The following RASSF8 variants were observed in gnomAD, a reference collection of about 807,000 sequenced individuals.
RASSF8 encodes the protein ras association domain-containing protein 8.
In RASSF8, 22 loss-of-function variants were observed where a neutral mutation model predicts 48.5. The ratio of observed to expected loss-of-function variants is 0.45; its 90% CI spans 0.32 to 0.65. RASSF8 has a LOEUF of 0.65. RASSF8 is among the 30% of genes least tolerant of loss of function. RASSF8 has a pLI of 0.03. For missense variants in RASSF8, 418 were observed against 489.2 expected, an observed-to-expected ratio of 0.85 and a Z score of 1.37; for synonymous variants, 127 against 171.5, an observed-to-expected ratio of 0.74 and a Z score of 2.03.
downstream of RASSF8, among the ~76,000 whole-genome samples, chr12:26,073,975 G>A (rs1944047530): frequency 6.7e-6 from 1 of 149,746 alleles, no homozygotes; most frequent in Non-Finnish European, 1.5e-5. Context: ...GAGAGAGAGA[G>A]TCTCACTCTA....
chr12:26,036,118 G>T (rs1204698110), intron 2 of RASSF8, among the ~76,000 whole-genome samples: 1 of 151,646 alleles, frequency 6.6e-6, no homozygotes, highest in Non-Finnish European at 1.5e-5. Context: ...TACTCCCAGT[G>T]ATCACTCATT....
chr12:26,001,306 A>G (rs183050383), intron 2 of RASSF8, among the ~76,000 whole-genome samples: 40 of 151,026 alleles, frequency 2.6e-4, no homozygotes, highest in Non-Finnish European at 1.5e-4. Context: ...AATAGGTGGG[A>G]TTACAGGCCT....
In RASSF8 at chr12:26,069,981, ATTTTAT is replaced by A. The variant is rs1265914580; in HGVS notation, c.*1166_*1171del. 2.1e-6 allele frequency: 2 copies of A among 973,942 alleles called. No homozygotes were observed. Among genetic ancestry groups the A allele is most frequent in the African/African-American group, 3.5e-5 (2 of 56,942 alleles). 60.3% of individuals were successfully genotyped at this position (973,942 alleles called of 1,614,324 possible). A position where few individuals can be genotyped will look rare whatever the true frequency, so the allele number is the denominator to read the frequency against. On this transcript the variant is annotated 3_prime_UTR_variant, in exon 6 of 6. Transcript: ENST00000689635. ...ATTAATCTCCATTTGTACATATGTT[ATTTTAT>A]TTGTAAAACCAAATATGACTCAACA...
At chr12:26,053,404 C>A (rs973461846) in intron 2 of RASSF8, among the ~76,000 whole-genome samples, 1 of 151,866 alleles carries the variant, frequency 6.6e-6, no homozygotes, top group Admixed American at 6.6e-5. Context: ...TAATTTTATC[C>A]CAAGAAAGAA....
chr12:25,965,370 T>C (rs1422813347), intron 1 of RASSF8, among the ~76,000 whole-genome samples: 2 of 149,210 alleles, frequency 1.3e-5, no homozygotes, highest in African/African-American at 4.9e-5. Context: ...TTTCTTTTTT[T>C]TTTTTTTTTT....
chr12:25,960,418 G>A (rs1941203256), intron 1 of RASSF8, among the ~76,000 whole-genome samples: 1 of 152,150 alleles, frequency 6.6e-6, no homozygotes, highest in Non-Finnish European at 1.5e-5. Flanking sequence ...AAATCAGGAC[G>A]CAGGAGACAG....
At chr12:26,015,396 G>A (rs1942624395) in intron 2 of RASSF8, among the ~76,000 whole-genome samples, 3 of 152,104 alleles carry the variant, frequency 2.0e-5, no homozygotes, top group African/African-American at 4.8e-5. Flanking sequence ...CTGCTGCTTA[G>A]CGTTTACGTT....
At chr12:25,968,784 G>A (rs1941417056) in intron 1 of RASSF8, among the ~76,000 whole-genome samples, 1 of 152,128 alleles carries the variant, frequency 6.6e-6, no homozygotes. Flanking sequence ...GATAATAAAT[G>A]AACAAATATT....
chr12:25,968,610 C>A (rs990736819), intron 1 of RASSF8, among the ~76,000 whole-genome samples: 1 of 152,190 alleles, frequency 6.6e-6, no homozygotes, highest in African/African-American at 2.4e-5. Context: ...TCCCAAAGTG[C>A]TGGGATTACA....
chr12:26,049,220 A>C (rs1348581794), intron 2 of RASSF8, among the ~76,000 whole-genome samples: 6 of 152,342 alleles, frequency 3.9e-5, no homozygotes, highest in African/African-American at 1.4e-4. Context: ...ACAAAACATA[A>C]CTTGGAAGGG....
chr12:25,996,030 T>G lies in RASSF8; in HGVS notation c.-109+900T>G, dbSNP rs190396393. ...GCCTTCTAATAATTGCTAGATTATA[T>G]GGAGAGACTGGACTCCTAAAACCAC... On this transcript the variant is annotated intron_variant, in intron 2 of 5. Transcript: ENST00000689635. Among the ~76,000 whole-genome samples, 11 of 152,336 alleles carry G rather than the reference T, an allele frequency of 7.2e-5. No individual in the cohort carries two copies. The East Asian group carries it at 9.6e-4, about 13-fold the overall frequency.
intron 2 of RASSF8, among the ~76,000 whole-genome samples, chr12:26,002,831 C>A (rs540023710): frequency 5.3e-5 from 8 of 152,114 alleles, no homozygotes; most frequent in African/African-American, 1.9e-4. Flanking sequence ...AGTAGGCATC[C>A]TTGTCTTGTT....
At position 26,027,958 on chromosome 12, in the gene RASSF8, C is replaced by T. The variant is rs574259121; in HGVS notation, c.-108-27278C>T. 3.3e-5 allele frequency among the ~76,000 whole-genome samples: 5 copies of T among 152,176 alleles called. No homozygotes were observed. The East Asian group carries it at 5.8e-4, about 18-fold the overall frequency. ...AGGACAAAGGAGTGGCTGTGAGGAA[C>T]GTCAGCTGTGCAGATGCTCTGGGGA... On this transcript the variant is annotated intron_variant, in intron 2 of 5. Coordinates refer to ENST00000689635, the MANE Select transcript of RASSF8 (RefSeq NM_001394098.1).
At chr12:26,000,021 CCAAG>C (rs543941187) in intron 2 of RASSF8, among the ~76,000 whole-genome samples, 1 of 152,022 alleles carries the variant, frequency 6.6e-6, no homozygotes, top group Non-Finnish European at 1.5e-5. Context: ...GAATATAACT[CCAAG>C]CAAAATCTCA....
chr12:25,999,122 T>TA (rs1942198037), intron 2 of RASSF8, among the ~76,000 whole-genome samples: 2 of 152,116 alleles, frequency 1.3e-5, no homozygotes, highest in Admixed American at 6.5e-5. Context: ...AGGTGAGTCT[T>TA]CTGATGGAGG....
At position 26,072,464 on chromosome 12, in the gene RASSF8, A is replaced by G. The variant is rs905263710; in HGVS notation, c.*3646A>G. 2 of 964,940 alleles carry G rather than the reference A, an allele frequency of 2.1e-6. No homozygotes were observed. The highest frequency in any genetic ancestry group is 2.5e-6 in the Non-Finnish European group (2 of 811,300). 59.8% of individuals were successfully genotyped at this position (964,940 alleles called of 1,614,324 possible). ...TTTAGAAACCAAATAAATGCAGAAA[A>G]CTATTTCGTATACTAATTATATTAA... On this transcript the variant is annotated 3_prime_UTR_variant, in exon 6 of 6. Coordinates refer to ENST00000689635, the MANE Select transcript of RASSF8 (RefSeq NM_001394098.1).
At chr12:25,959,570 T>C (rs1592203966) in intron 1 of RASSF8, 2 of 152,372 alleles carry the variant, frequency 1.3e-5, no homozygotes, top group East Asian at 1.9e-4. Context: ...TAAAAAAATA[T>C]TGGTTTATAG....
chr12:25,986,917 G>GT (rs68185131), intron 1 of RASSF8, among the ~76,000 whole-genome samples: 10 of 145,508 alleles, frequency 6.9e-5, no homozygotes, highest in Admixed American at 2.7e-4. Context: ...TTGAACTACC[G>GT]TTTTTTTTTT....
intron 2 of RASSF8, among the ~76,000 whole-genome samples, chr12:26,001,815 A>G (rs1198420507): frequency 6.6e-6 from 1 of 152,218 alleles, no homozygotes; most frequent in South Asian, 2.1e-4. Flanking sequence ...AATACCCTTT[A>G]AAGTGTGGAT....
Sources: allele counts gnomAD v4.1 joint callset (sites outside exome capture counted in the v4.1 genomes callset), GRCh38; gene constraint gnomAD v4.1.1; transcripts MANE v1.5; gene names NCBI Gene and HGNC (gene_info 2026-07-23, HGNC 2026-07-21).